SNX24: variants seen among roughly 807,000 people sequenced by gnomAD.
SNX24 encodes sorting nexin 24.
Under a neutral mutation model 28.7 loss-of-function variants are expected in SNX24, and 22 were observed. The ratio of observed to expected loss-of-function variants is 0.77; its 90% CI spans 0.55 to 1.10. SNX24 has a LOEUF of 1.10. Among genes scored for constraint, SNX24 ranks in the 50% least tolerant of loss-of-function variants. The pLI is 0.00. For synonymous variants in SNX24, 69 were observed against 71.5 expected (o/e 0.96, Z 0.18); for missense variants, 221 against 201.1 (o/e 1.10, Z -0.60).
chr5:122,880,586 A>G (rs1016339148), intron 1 of SNX24, among the ~76,000 whole-genome samples: 1 of 152,188 alleles, frequency 6.6e-6, no homozygotes, highest in Admixed American at 6.6e-5. Context: ...AAAAGTGGAA[A>G]ATGGACCTGA....
At chr5:122,932,858 CAAAAAAAAAAAAAAA>C (rs57930558) in intron 1 of SNX24, among the ~76,000 whole-genome samples, 1 of 88,016 alleles carries the variant, frequency 1.1e-5, no homozygotes, top group African/African-American at 4.8e-5. Flanking sequence ...GACTCTGTCT[CAAAAAAAAAAAAAAA>C]AAAAAAAAAA....
chr5:122,940,802 A>G lies in SNX24; in HGVS notation c.144+3985A>G, dbSNP rs143403093. Among the ~76,000 whole-genome samples, 26 of 152,258 alleles carry G rather than the reference A, an allele frequency of 1.7e-4. 1 individual carries two copies. In the East Asian group the frequency reaches 5.0e-3, roughly 29 times the overall value. On this transcript the variant is annotated intron_variant, in intron 2 of 6. Coordinates refer to ENST00000261369, the MANE Select transcript of SNX24 (RefSeq NM_014035.4). ...TGGCCAGGCTGGTCTCGAACTCTTG[A>G]CCTCAGGACATCCACCTGCCTTGGC...
chr5:122,964,921 G>A lies in SNX24; in HGVS notation c.249+18762G>A, dbSNP rs190644024. Among the ~76,000 whole-genome samples, 104 of 152,130 alleles carry A rather than the reference G, an allele frequency of 6.8e-4. 3 individuals are homozygous for A. The East Asian group carries it at 0.018, about 27-fold the overall frequency. On this transcript the variant is annotated intron_variant, in intron 3 of 6. Coordinates refer to ENST00000261369, the MANE Select transcript of SNX24 (RefSeq NM_014035.4). ...TGGATGCATTATATTTTATTTAACA[G>A]TCTGCTATTGAATTTTTTAGGTTGT...
rs998856794 is a variant in SNX24, at chr5:123,008,823, G to A, written c.*1074G>A. 3.1e-6 allele frequency: 3 copies of A among 952,464 alleles called. No homozygotes were observed. Among genetic ancestry groups the A allele is most frequent in the Non-Finnish European group, 3.8e-6 (3 of 799,586 alleles). 59.0% of individuals were successfully genotyped at this position (952,464 alleles called of 1,614,324 possible). A position where few individuals can be genotyped will look rare whatever the true frequency, so the allele number is the denominator to read the frequency against. ...AATGTGTTTATGATATAACTCCACT[G>A]TACATCATCCTTTGAGTAGTAAAGG... On this transcript the variant is annotated 3_prime_UTR_variant, in exon 7 of 7. Coordinates refer to ENST00000261369, the MANE Select transcript of SNX24 (RefSeq NM_014035.4).
intron 1 of SNX24, among the ~76,000 whole-genome samples, chr5:122,927,534 G>A (rs949118990): frequency 6.6e-6 from 1 of 152,002 alleles, no homozygotes; most frequent in Admixed American, 6.5e-5. Context: ...AACATCTTAG[G>A]GAGAACATTG....
At position 123,008,760 on chromosome 5, in the gene SNX24, C is replaced by CT; in HGVS notation, c.*1015dup. The CT allele has an allele frequency of 1.7e-6, 1 of 603,538 alleles. No individual in the cohort carries two copies. Among genetic ancestry groups the CT allele is most frequent in the Non-Finnish European group, 2.1e-6 (1 of 481,514 alleles). 37.4% of individuals were successfully genotyped at this position (603,538 alleles called of 1,614,324 possible). A position where few individuals can be genotyped will look rare whatever the true frequency, so the allele number is the denominator to read the frequency against. Reference sequence around the variant, plus strand: ...TTCATGTTATTTTCCTTACGGCTTCCTTTTCACTGACCTCATTTGTTGAGT... The same window carrying CT: ...TTCATGTTATTTTCCTTACGGCTTCCTTTTTCACTGACCTCATTTGTTGAGT... On this transcript the variant is annotated 3_prime_UTR_variant, in exon 7 of 7. Transcript: ENST00000261369.
intron 3 of SNX24, among the ~76,000 whole-genome samples, chr5:122,949,129 A>AG (rs1759824728): frequency 6.6e-6 from 1 of 152,218 alleles, no homozygotes; most frequent in African/African-American, 2.4e-5. Flanking sequence ...TTTTAAACAA[A>AG]GGAAACCCAA....
chr5:123,023,950 G>A, intron 5 of SNX24: 1 of 1,614,134 alleles, frequency 6.2e-7, no homozygotes, highest in South Asian at 1.1e-5. Context: ...AGCAGTTGGT[G>A]AGTGGACGGT....
chr5:122,955,349 A>G (rs896772970), intron 3 of SNX24, among the ~76,000 whole-genome samples: 1 of 152,214 alleles, frequency 6.6e-6, no homozygotes, highest in African/African-American at 2.4e-5. Flanking sequence ...CTTTAAAATC[A>G]TTGTCCAATA....
intron 5 of SNX24, chr5:123,024,096 G>A: frequency 6.8e-7 from 1 of 1,466,396 alleles, no homozygotes; most frequent in Non-Finnish European, 9.2e-7. Context: ...AAGCCCAAGT[G>A]GGAAGGAAAT....
chr5:122,884,251 CTTTTTTTT>C (rs758617172), intron 1 of SNX24, among the ~76,000 whole-genome samples: 1 of 92,754 alleles, frequency 1.1e-5, no homozygotes, highest in Non-Finnish European at 1.9e-5. Context: ...GTTTCTTTTT[CTTTTTTTT>C]TTTTTTTTTT....
chr5:122,873,277 G>A (rs1035180720), intron 1 of SNX24, among the ~76,000 whole-genome samples: 2 of 152,012 alleles, frequency 1.3e-5, no homozygotes, highest in East Asian at 1.9e-4. Flanking sequence ...CCAGTCCAGA[G>A]TTTTGTTTTT....
At chr5:122,966,817 A>C (rs575762866) in intron 3 of SNX24, among the ~76,000 whole-genome samples, 4 of 152,344 alleles carry the variant, frequency 2.6e-5, no homozygotes, top group East Asian at 3.9e-4. Flanking sequence ...AGCATCATCT[A>C]ATTCCTAAAA....
intron 2 of SNX24, among the ~76,000 whole-genome samples, chr5:122,937,505 A>C (rs1759230650): frequency 6.6e-6 from 1 of 152,218 alleles, no homozygotes; most frequent in Non-Finnish European, 1.5e-5. Context: ...TTTTTTCTAG[A>C]TTATAAGTTA....
In SNX24 at chr5:122,922,136, A is replaced by C. The variant is rs894042537; in HGVS notation, c.61-14598A>C. Reference sequence around the variant, plus strand: ...CTGATGTTGGTTATATGTATCTAGAAGAGGTAGTAGTTGGTTTAATACAGA... The same window carrying C: ...CTGATGTTGGTTATATGTATCTAGACGAGGTAGTAGTTGGTTTAATACAGA... On this transcript the variant is annotated intron_variant, in intron 1 of 6. Transcript: ENST00000261369. 3.3e-5 allele frequency among the ~76,000 whole-genome samples: 5 copies of C among 152,206 alleles called. No homozygotes were observed. In the East Asian group the frequency reaches 9.6e-4, roughly 29 times the overall value.
Position 123,001,370 on chromosome 5 carries a change from G to GT in SNX24, c.345-28dup, listed in dbSNP as rs1299590821. On this transcript the variant is annotated intron_variant, in intron 4 of 6. Transcript: ENST00000261369. Reference sequence around the variant, plus strand: ...CATAAACATTGACTCAACATATGTGGTTTTTTTGTTTTTTTCCTTTTTCAA... The same window carrying GT: ...CATAAACATTGACTCAACATATGTGGTTTTTTTTGTTTTTTTCCTTTTTCAA... 5.4e-6 allele frequency: 8 copies of GT among 1,486,986 alleles called. No individual in the cohort carries two copies. In the Admixed American group the frequency reaches 8.6e-5, roughly 16 times the overall value. 92.1% of individuals were successfully genotyped at this position (1,486,986 alleles called of 1,614,324 possible).
chr5:123,022,435 A>T (rs970922792), intron 5 of SNX24: 7 of 152,178 alleles, frequency 4.6e-5, no homozygotes, highest in Non-Finnish European at 7.3e-5. Context: ...CAGGTATGTT[A>T]TAACAAGGCC....
intron 3 of SNX24, among the ~76,000 whole-genome samples, chr5:122,979,866 C>T (rs530518789): frequency 6.6e-6 from 1 of 152,276 alleles, no homozygotes; most frequent in African/African-American, 2.4e-5. Flanking sequence ...ATTTATTCAG[C>T]GGTCCACCCG....
chr5:122,977,960 A>T (rs892649294), intron 3 of SNX24, among the ~76,000 whole-genome samples: 2 of 152,218 alleles, frequency 1.3e-5, no homozygotes, highest in African/African-American at 4.8e-5. Context: ...AGATATTTGT[A>T]ATAGTCTTTG....
Sources: allele counts gnomAD v4.1 joint callset (sites outside exome capture counted in the v4.1 genomes callset), GRCh38; gene constraint gnomAD v4.1.1; transcripts MANE v1.5; gene names NCBI Gene and HGNC (gene_info 2026-07-23, HGNC 2026-07-21).